The following LIMD1 variants were observed in gnomAD, a reference collection of about 807,000 sequenced individuals.
LIMD1 encodes LIM domain containing 1.
In LIMD1, 23 loss-of-function variants were observed where a neutral mutation model predicts 58.4. That is an observed-to-expected ratio of 0.39 (90% CI 0.28 to 0.56). The LOEUF (loss-of-function observed/expected upper bound fraction) is 0.56, where lower values mean the gene tolerates loss of function less well. LIMD1 is among the 20% of genes least tolerant of loss of function. The pLI, the probability that LIMD1 is intolerant of heterozygous loss-of-function variation, is 0.57. For missense variants in LIMD1, 838 were observed against 855.5 expected (o/e 0.98, Z 0.25); for synonymous variants, 334 against 345.5 (o/e 0.97, Z 0.37).
intron 2 of LIMD1, among the ~76,000 whole-genome samples, chr3:45,660,405 CTTTTTTT>C (rs869301368): frequency 7.5e-5 from 6 of 79,996 alleles, no homozygotes; most frequent in African/African-American, 1.9e-4. Context: ...GGTGGGCTGT[CTTTTTTT>C]TTTTTTTTTT....
intron 1 of LIMD1, among the ~76,000 whole-genome samples, chr3:45,631,717 A>G (rs1701736006): frequency 6.6e-6 from 1 of 152,040 alleles, no homozygotes; most frequent in Admixed American, 6.5e-5. Context: ...TGCCGTTGAG[A>G]GATAAAGTGG....
chr3:45,674,228 G>C, intron 6 of LIMD1, 115 bp from the exon 7 acceptor site: 1 of 677,770 alleles, frequency 1.5e-6, no homozygotes, highest in Admixed American at 2.2e-5. Context: ...CTCCTCCCAA[G>C]GCCACCTACT....
At chr3:45,628,317 A>G (rs1160213627) in intron 1 of LIMD1, among the ~76,000 whole-genome samples, 1 of 152,204 alleles carries the variant, frequency 6.6e-6, no homozygotes, top group African/African-American at 2.4e-5. Flanking sequence ...AGAAGTTCTC[A>G]TAACAGTAAG....
chr3:45,657,399 A>G (rs1015459775), intron 2 of LIMD1, among the ~76,000 whole-genome samples: 2 of 151,970 alleles, frequency 1.3e-5, no homozygotes, highest in East Asian at 3.9e-4. Context: ...GGTAACTCAC[A>G]CCTGTAATCT....
In LIMD1 at chr3:45,682,254, G is replaced by C. The variant is rs1697754632; in HGVS notation, c.*5195G>C. The stretch of plus-strand genomic sequence containing the variant: ...TTTGCTTAAGACCTTGATGGTATAA[G>C]GAGTGAAGATGCAATCAGGGTAAAA... On this transcript the variant is annotated 3_prime_UTR_variant, in exon 8 of 8. Coordinates refer to ENST00000273317, the MANE Select transcript of LIMD1 (RefSeq NM_014240.3). 6.6e-6 allele frequency: 1 copy of C among 152,246 alleles called. No individual in the cohort carries two copies. The allele number at this position is 152,246 out of a possible 1,614,324, so 9.4% of individuals were successfully genotyped here.
At chr3:45,661,364 C>T (rs559993318) in intron 2 of LIMD1, among the ~76,000 whole-genome samples, 1 of 152,220 alleles carries the variant, frequency 6.6e-6, no homozygotes, top group East Asian at 1.9e-4. Flanking sequence ...TATATACTTC[C>T]TTTAAAATAT....
At chr3:45,676,165 G>A (rs1055507797) in intron 7 of LIMD1, among the ~76,000 whole-genome samples, 4 of 151,954 alleles carry the variant, frequency 2.6e-5, no homozygotes, top group Non-Finnish European at 4.4e-5. Context: ...TTCCTTGAAC[G>A]GGGGAGGTGG....
intron 2 of LIMD1, among the ~76,000 whole-genome samples, chr3:45,662,942 C>A (rs1697463134): frequency 6.6e-6 from 1 of 152,054 alleles, no homozygotes; most frequent in South Asian, 2.1e-4. Flanking sequence ...CAAGATCGTG[C>A]CACTGCACTC....
chr3:45,645,997 T>C (rs1701901214), intron 2 of LIMD1, among the ~76,000 whole-genome samples: 1 of 145,980 alleles, frequency 6.9e-6, no homozygotes, highest in Admixed American at 6.9e-5. Flanking sequence ...GCCACTGCAC[T>C]CCAGCCTGAG....
At chr3:45,651,635 G>GTT (rs1193051870) in intron 2 of LIMD1, among the ~76,000 whole-genome samples, 1 of 150,462 alleles carries the variant, frequency 6.6e-6, no homozygotes, top group Non-Finnish European at 1.5e-5. Flanking sequence ...AGATCAGATG[G>GTT]TTATTTTTTT....
chr3:45,658,687 C>G (rs1454579558), intron 2 of LIMD1, among the ~76,000 whole-genome samples: 1 of 151,776 alleles, frequency 6.6e-6, no homozygotes, highest in Non-Finnish European at 1.5e-5. Context: ...TCCTGAGTAG[C>G]TGGGACTACA....
intron 4 of LIMD1, among the ~76,000 whole-genome samples, chr3:45,670,503 C>T (rs534341229): frequency 6.6e-6 from 1 of 152,272 alleles, no homozygotes; most frequent in South Asian, 2.1e-4. Flanking sequence ...CAGCTGGTAG[C>T]ACAGTTGAAC....
Position 45,598,061 on chromosome 3 carries a change from C to T in LIMD1, c.1408+1774C>T, listed in dbSNP as rs562319200. Among the ~76,000 whole-genome samples, 16 of 152,218 alleles carry T rather than the reference C, an allele frequency of 1.1e-4. No individual in the cohort carries two copies. The South Asian group carries it at 2.1e-3, about 20-fold the overall frequency. On this transcript the variant is annotated intron_variant, in intron 1 of 7. Transcript: ENST00000273317. ...GGAGTGCAGTGCACCCTAGACCTCC[C>T]GGACTCAAGGCATCTTCCTACCTCA...
In LIMD1 at chr3:45,683,286, C is replaced by G. The variant is rs1241266212; in HGVS notation, c.*6227C>G. The G allele has an allele frequency of 6.6e-6, 1 of 152,182 alleles. No homozygotes were observed. The highest frequency in any genetic ancestry group is 1.5e-5 in the Non-Finnish European group (1 of 68,062). The allele number at this position is 152,182 out of a possible 1,614,324, so 9.4% of individuals were successfully genotyped here. On this transcript the variant is annotated 3_prime_UTR_variant, in exon 8 of 8. Transcript: ENST00000273317. ...ATAGGGTCTGGAGGCATGGAATTGGCTTCCTAAGGCCAATTCAGGCTGACT... is the reference window on the plus strand; with the variant it reads ...ATAGGGTCTGGAGGCATGGAATTGGGTTCCTAAGGCCAATTCAGGCTGACT...
Position 45,594,785 on chromosome 3 carries a change from A to ACACACACACACACACACACACACACACAC in LIMD1, c.-94_-66dup. 1.8e-5 allele frequency: 1 copy of ACACACACACACACACACACACACACACAC among 55,986 alleles called. No homozygotes were observed. The highest frequency in any genetic ancestry group is 2.9e-5 in the Non-Finnish European group (1 of 34,374). The allele number at this position is 55,986 out of a possible 1,614,324, so 3.5% of individuals were successfully genotyped here. On this transcript the variant is annotated 5_prime_UTR_variant, in exon 1 of 8. Coordinates refer to ENST00000273317, the MANE Select transcript of LIMD1 (RefSeq NM_014240.3). ...CATCTCCCCGCTGCCCTCAACACACACACACACACACACACACACACACAC... is the reference window on the plus strand; with the variant it reads ...CATCTCCCCGCTGCCCTCAACACACACACACACACACACACACACACACACACACCACACACACACACACACACACACAC...
At chr3:45,626,762 C>T (rs557781511) in intron 1 of LIMD1, among the ~76,000 whole-genome samples, 89 of 151,922 alleles carry the variant, frequency 5.9e-4, no homozygotes, top group African/African-American at 2.0e-3. Flanking sequence ...ATGTAGGTTC[C>T]TCATTTGTGA....
chr3:45,632,203 T>C (rs1187715113), intron 1 of LIMD1, among the ~76,000 whole-genome samples: 4 of 152,224 alleles, frequency 2.6e-5, no homozygotes. Context: ...TGTTGCTCAT[T>C]GTAAAGGCTT....
chr3:45,615,200 T>C (rs1701565197), intron 1 of LIMD1, among the ~76,000 whole-genome samples: 1 of 152,100 alleles, frequency 6.6e-6, no homozygotes, highest in Non-Finnish European at 1.5e-5. Context: ...AAGAGAGGCA[T>C]TTGTGGGAAA....
At chr3:45,626,893 C>CAAAAA (rs34165649) in intron 1 of LIMD1, among the ~76,000 whole-genome samples, 3 of 133,854 alleles carry the variant, frequency 2.2e-5, no homozygotes, top group African/African-American at 2.7e-5. Flanking sequence ...TAAAACTGCT[C>CAAAAA]AAAAAAAAAA....
Sources: allele counts gnomAD v4.1 joint callset (sites outside exome capture counted in the v4.1 genomes callset), GRCh38; gene constraint gnomAD v4.1.1; transcripts MANE v1.5; gene names NCBI Gene and HGNC (gene_info 2026-07-23, HGNC 2026-07-21).